BRD4: variants seen among roughly 807,000 people sequenced by gnomAD.
The protein encoded by BRD4 is bromodomain containing 4.
Under a neutral mutation model 142.1 loss-of-function variants are expected in BRD4, and 16 were observed. The ratio of observed to expected loss-of-function variants is 0.11; its 90% CI spans 0.08 to 0.17. The LOEUF is 0.17. BRD4 is among the 10% of genes least tolerant of loss of function. BRD4 has a pLI of 1.00. For synonymous variants in BRD4, 833 were observed against 707.5 expected, an observed-to-expected ratio of 1.18 and a Z score of -2.82; for missense variants, 1,424 against 1,810.9, an observed-to-expected ratio of 0.79 and a Z score of 3.88.
At chr19:15,283,471 T>C (rs1398769621) in intron 1 of BRD4, among the ~76,000 whole-genome samples, 2 of 152,192 alleles carry the variant, frequency 1.3e-5, no homozygotes, top group African/African-American at 2.4e-5. Context: ...GGAAACATGT[T>C]ATGACAGCTT....
intron 1 of BRD4, among the ~76,000 whole-genome samples, chr19:15,273,667 C>A (rs868456487): frequency 6.6e-6 from 1 of 152,132 alleles, no homozygotes; most frequent in East Asian, 1.9e-4. Context: ...GATGGCCCAC[C>A]CAGTCCACTG....
intron 1 of BRD4, among the ~76,000 whole-genome samples, chr19:15,278,105 CAAAAAAAAAAAAAAAAAAA>C (rs59204229): frequency 0.031 from 1,694 of 55,232 alleles, 68 homozygotes; most frequent in African/African-American, 0.1. Flanking sequence ...GACTCCGTCT[CAAAAAAAAAAAAAAAAAAA>C]AAAAAAAAAA....
At chr19:15,301,250 G>C (rs537689204) in intron 1 of BRD4, among the ~76,000 whole-genome samples, 1 of 152,314 alleles carries the variant, frequency 6.6e-6, no homozygotes, top group East Asian at 1.9e-4. Flanking sequence ...CAAAATCATA[G>C]ACACAGAAAA....
chr19:15,253,778 A>G, intron 11 of BRD4: 3 of 1,597,200 alleles, frequency 1.9e-6, no homozygotes, highest in Non-Finnish European at 2.5e-6. Flanking sequence ...CCACTGGTGC[A>G]GAAAGCTGGG....
rs1264881352 is a variant in BRD4 at position 15,258,410 on chromosome 19, A to G, written c.1342-1237T>C. On this transcript the variant is annotated intron_variant, in intron 7 of 19. Transcript: ENST00000679869. ...AGCTCACTGTAACCTCTGTCTCCCA[A>G]GTAGCTGGAATTACAGGTGCACACC... is the stretch of plus-strand genomic sequence containing the variant. 4.6e-5 allele frequency among the ~76,000 whole-genome samples: 7 copies of G among 152,084 alleles called. No homozygotes were observed. In the South Asian group the frequency reaches 1.2e-3, roughly 27 times the overall value.
chr19:15,288,078 TC>T (rs1458275305), intron 1 of BRD4, among the ~76,000 whole-genome samples: 2 of 152,174 alleles, frequency 1.3e-5, no homozygotes, highest in Non-Finnish European at 2.9e-5. Context: ...TGAATTTCAT[TC>T]CTTCTTAAGG....
At chr19:15,330,477 T>A (rs2145025731) in intron 1 of BRD4, among the ~76,000 whole-genome samples, 1 of 152,178 alleles carries the variant, frequency 6.6e-6, no homozygotes, top group East Asian at 1.9e-4. Context: ...TTTATGAAAT[T>A]ATTGGCGGCC....
At chr19:15,306,131 A>C (rs1443004935) in intron 1 of BRD4, among the ~76,000 whole-genome samples, 1 of 152,252 alleles carries the variant, frequency 6.6e-6, no homozygotes, top group African/African-American at 2.4e-5. Context: ...CCATGTCAGC[A>C]ATAAGGTTGT....
At chr19:15,289,277 T>G (rs996001445) in intron 1 of BRD4, among the ~76,000 whole-genome samples, 1 of 151,994 alleles carries the variant, frequency 6.6e-6, no homozygotes, top group Non-Finnish European at 1.5e-5. Context: ...AACAGCTGGG[T>G]GCGGTGGCTC....
chr19:15,296,930 C>CA (rs1004829364), intron 1 of BRD4, among the ~76,000 whole-genome samples: 1 of 152,086 alleles, frequency 6.6e-6, no homozygotes, highest in African/African-American at 2.4e-5. Flanking sequence ...AGAAGCCCCC[C>CA]CCACCAACAG....
chr19:15,327,276 C>T (rs763237585), intron 1 of BRD4, among the ~76,000 whole-genome samples: 57 of 152,158 alleles, frequency 3.7e-4, no homozygotes, highest in Admixed American at 1.2e-3. Flanking sequence ...CGGTGGCTCA[C>T]GCCTGTAATC....
chr19:15,267,587 C>A, intron 3 of BRD4, 36 bp from the exon 4 acceptor site: 1 of 1,603,966 alleles, frequency 6.2e-7, no homozygotes, highest in Non-Finnish European at 8.5e-7. Flanking sequence ...GTCAGAGGGC[C>A]CTCCCCTCCC....
chr19:15,278,770 A>G (rs1199112675), intron 1 of BRD4, among the ~76,000 whole-genome samples: 1 of 152,120 alleles, frequency 6.6e-6, no homozygotes, highest in Non-Finnish European at 1.5e-5. Context: ...AAAATTTGGG[A>G]ACTTCTGGGT....
At chr19:15,271,661 C>T (rs1448903233) in intron 2 of BRD4, among the ~76,000 whole-genome samples, 4 of 152,148 alleles carry the variant, frequency 2.6e-5, no homozygotes, top group Non-Finnish European at 5.9e-5. Context: ...CAACAGTCTC[C>T]CTCCCGCAGG....
chr19:15,245,547 G>T (rs1176702067), intron 11 of BRD4, among the ~76,000 whole-genome samples: 1 of 152,162 alleles, frequency 6.6e-6, no homozygotes, highest in Non-Finnish European at 1.5e-5. Flanking sequence ...CAGTAGGGTG[G>T]ATGGGTCCAG....
chr19:15,303,457 C>T (rs948981056), intron 1 of BRD4, among the ~76,000 whole-genome samples: 2 of 152,152 alleles, frequency 1.3e-5, no homozygotes, highest in African/African-American at 4.8e-5. Flanking sequence ...TTCAAAACTC[C>T]GTACTAGCTC....
chr19:15,242,741 T>C (rs2047248140), intron 14 of BRD4, among the ~76,000 whole-genome samples, 159 bp downstream of exon 14: 11 of 151,988 alleles, frequency 7.2e-5, no homozygotes, highest in Admixed American at 7.2e-4. Context: ...ACACACACTG[T>C]AGGAAGCACC....
At chr19:15,326,659 T>C (rs940901650) in intron 1 of BRD4, among the ~76,000 whole-genome samples, 1 of 152,170 alleles carries the variant, frequency 6.6e-6, no homozygotes, top group African/African-American at 2.4e-5. Context: ...GCACTACTTT[T>C]GTTTAAAGAA....
At chr19:15,294,710 C>G (rs2047809416) in intron 1 of BRD4, among the ~76,000 whole-genome samples, 1 of 152,180 alleles carries the variant, frequency 6.6e-6, no homozygotes, top group African/African-American at 2.4e-5. Context: ...TAAATGATGG[C>G]TGGGTGCCAT....
Sources: gnomAD v4.1 joint callset for allele counts (sites outside exome capture counted in the v4.1 genomes callset) on GRCh38, gnomAD v4.1.1 for gene constraint, MANE v1.5 for transcripts, NCBI Gene and HGNC (gene_info 2026-07-23, HGNC 2026-07-21) for gene names.